Variants in PRIM2 observed in about 807,000 individuals in gnomAD.
PRIM2 encodes DNA primase large subunit.
PRIM2 carries 39 observed loss-of-function variants against 67.3 expected under a neutral mutation model. That is an observed-to-expected ratio of 0.58 (90% CI 0.45 to 0.76). PRIM2 has a LOEUF of 0.76. Ranked by LOEUF, PRIM2 falls within the 30% of genes least tolerant of loss-of-function variation. The pLI, the probability that PRIM2 is intolerant of heterozygous loss-of-function variation, is 0.00. For missense variants in PRIM2, 398 were observed against 598.7 expected, an observed-to-expected ratio of 0.66 and a Z score of 3.50; for synonymous variants, 143 against 198.7, an observed-to-expected ratio of 0.72 and a Z score of 2.36.
At chr6:57,538,278 C>T (rs1263341978) in intron 10 of PRIM2, among the ~76,000 whole-genome samples, 5 of 152,080 alleles carry the variant, frequency 3.3e-5, no homozygotes, top group African/African-American at 1.2e-4. Flanking sequence ...CCTGCCTTGG[C>T]GTGCTGAAGG....
chr6:57,232,243 T>G, the PRIM2 span, among the ~76,000 whole-genome samples: 1 of 152,208 alleles, frequency 6.6e-6, no homozygotes, highest in African/African-American at 2.4e-5. Flanking sequence ...GTCCTCAAAT[T>G]TGTAAGTTTA....
chr6:57,488,900 A>G (rs1773814271), intron 7 of PRIM2, among the ~76,000 whole-genome samples: 5 of 152,188 alleles, frequency 3.3e-5, no homozygotes, highest in South Asian at 2.1e-4. Context: ...CAGATATAGC[A>G]GTGAGGTTGG....
At chr6:57,517,872 C>T (rs1305551409) in intron 8 of PRIM2, among the ~76,000 whole-genome samples, 6 of 152,108 alleles carry the variant, frequency 3.9e-5, no homozygotes, top group Non-Finnish European at 7.3e-5. Flanking sequence ...CTTGAAGCTG[C>T]CCAGCTAGCA....
chr6:57,320,385 C>T, intron 2 of PRIM2, 72 bp from the exon 3 acceptor site: 1 of 993,454 alleles, frequency 1.0e-6, no homozygotes, highest in Non-Finnish European at 1.5e-6. Context: ...ATGGAATTGC[C>T]CTCCATAGAT....
At chr6:57,469,493 A>C (rs1368582822) in intron 7 of PRIM2, among the ~76,000 whole-genome samples, 140 of 152,352 alleles carry the variant, frequency 9.2e-4, no homozygotes, top group African/African-American at 3.4e-3. Flanking sequence ...AGCAGGTAGA[A>C]CACTGTGATC....
intron 9 of PRIM2, among the ~76,000 whole-genome samples, chr6:57,534,134 G>T (rs1195052596): frequency 6.6e-6 from 1 of 151,932 alleles, no homozygotes; most frequent in Non-Finnish European, 1.5e-5. Context: ...TGCTGTTTCC[G>T]CTGTGGGCCT....
At chr6:57,281,993 G>A in the PRIM2 span, among the ~76,000 whole-genome samples, 2 of 152,138 alleles carry the variant, frequency 1.3e-5, no homozygotes, top group African/African-American at 4.8e-5. Flanking sequence ...CTTCCAGATT[G>A]ACCAAGGAAA....
chr6:57,580,024 A>C (rs1776052906), intron 10 of PRIM2, among the ~76,000 whole-genome samples: 1 of 152,148 alleles, frequency 6.6e-6, no homozygotes, highest in African/African-American at 2.4e-5. Context: ...GTTTATATAA[A>C]AATATTGCTT....
chr6:57,630,344 TG>T (rs1377145777), intron 12 of PRIM2, among the ~76,000 whole-genome samples: 7 of 151,886 alleles, frequency 4.6e-5, no homozygotes, highest in Non-Finnish European at 8.8e-5. Context: ...TCTCTGCGAG[TG>T]GGGTCAGGTC....
chr6:57,482,898 T>G (rs2127406317), intron 7 of PRIM2, among the ~76,000 whole-genome samples: 2 of 152,258 alleles, frequency 1.3e-5, no homozygotes, highest in South Asian at 4.1e-4. Context: ...TTGATCCTCT[T>G]AGGAAAGTAG....
At chr6:57,495,135 T>G (rs1236255308) in intron 7 of PRIM2, among the ~76,000 whole-genome samples, 5 of 152,346 alleles carry the variant, frequency 3.3e-5, no homozygotes, top group African/African-American at 1.2e-4. Flanking sequence ...TTAGAAGGGC[T>G]TAAAAATAGA....
intron 7 of PRIM2, among the ~76,000 whole-genome samples, chr6:57,496,634 C>T (rs1258796644): frequency 6.6e-6 from 1 of 152,088 alleles, no homozygotes; most frequent in African/African-American, 2.4e-5. Context: ...CGTTTATTAT[C>T]TTACATTAAA....
chr6:57,514,654 T>C (rs1416750410), intron 8 of PRIM2, among the ~76,000 whole-genome samples: 1 of 152,248 alleles, frequency 6.6e-6, no homozygotes, highest in African/African-American at 2.4e-5. Context: ...TGAATTACAA[T>C]TTTTTCACAT....
intron 7 of PRIM2, among the ~76,000 whole-genome samples, chr6:57,452,726 C>T (rs553987321): frequency 1.3e-5 from 2 of 152,064 alleles, no homozygotes; most frequent in Non-Finnish European, 2.9e-5. Context: ...TTCTCCCATT[C>T]TGTGGGTTGC....
the PRIM2 span, among the ~76,000 whole-genome samples, chr6:57,262,542 TGAGGCTTTGCC>T: frequency 6.6e-6 from 1 of 152,154 alleles, no homozygotes; most frequent in South Asian, 2.1e-4. Context: ...GGCCACTTGC[TGAGGCTTTGCC>T]GAGGCTGAAA....
intron 7 of PRIM2, among the ~76,000 whole-genome samples, chr6:57,474,259 C>T (rs1188353227): frequency 7.9e-6 from 1 of 125,820 alleles, no homozygotes; most frequent in African/African-American, 3.3e-5. Context: ...ACTGCAAGCT[C>T]CGCCTCCCGG....
chr6:57,606,977 G>T (rs1776575030), intron 12 of PRIM2, among the ~76,000 whole-genome samples: 1 of 152,184 alleles, frequency 6.6e-6, no homozygotes, highest in South Asian at 2.1e-4. Context: ...GAAATGCTCA[G>T]ATTGTACAAC....
chr6:57,322,440 G>A (rs1428060715), intron 3 of PRIM2, among the ~76,000 whole-genome samples: 5 of 152,154 alleles, frequency 3.3e-5, no homozygotes, highest in Non-Finnish European at 7.3e-5. Context: ...GGGACCCGGT[G>A]GGAGGTAATT....
chr6:57,517,800 T>A (rs1774518710), intron 8 of PRIM2, among the ~76,000 whole-genome samples: 2 of 152,236 alleles, frequency 1.3e-5, no homozygotes, highest in South Asian at 2.1e-4. Context: ...ATTTTGCCTC[T>A]GTACCTGAAT....
Sources: gnomAD v4.1 joint callset for allele counts (sites outside exome capture counted in the v4.1 genomes callset) on GRCh38, gnomAD v4.1.1 for gene constraint, MANE v1.5 for transcripts, NCBI Gene and HGNC (gene_info 2026-07-23, HGNC 2026-07-21) for gene names.